The following EPG5 variants were observed in gnomAD, a reference collection of about 807,000 sequenced individuals.
EPG5 encodes the protein ectopic P granules protein 5 homolog.
In EPG5, 159 loss-of-function variants were observed where a neutral mutation model predicts 302.7. The observed-to-expected ratio is 0.53, with a 90% CI of 0.46 to 0.60. EPG5 has a LOEUF of 0.60. EPG5 is among the 20% of genes least tolerant of loss of function. The pLI is 0.00. For missense variants in EPG5, 2,896 were observed against 3,092.4 expected (o/e 0.94, Z 1.51); for synonymous variants, 1,158 against 1,136.8 (o/e 1.02, Z -0.37).
At chr18:45,914,438 T>C (rs2049982378) in intron 20 of EPG5, among the ~76,000 whole-genome samples, 2 of 152,234 alleles carry the variant, frequency 1.3e-5, no homozygotes, top group African/African-American at 4.8e-5. Flanking sequence ...ACATTACTAC[T>C]GATTTAAGAG....
At position 45,919,738 on chromosome 18, in the gene EPG5, T is replaced by A. The variant is rs574484597; in HGVS notation, c.3099-1919A>T. Reference sequence around the variant, plus strand: ...CGTGTTAGCCAGGATGGTCTCGATCTCCTGACCTCGTGATCCGCCCGCCTC... The same window carrying A: ...CGTGTTAGCCAGGATGGTCTCGATCACCTGACCTCGTGATCCGCCCGCCTC... On this transcript the variant is annotated intron_variant, in intron 16 of 43. Coordinates refer to ENST00000282041, the MANE Select transcript of EPG5 (RefSeq NM_020964.3). 1.5e-3 allele frequency among the ~76,000 whole-genome samples: 221 copies of A among 152,246 alleles called. 1 individual carries two copies. Among genetic ancestry groups the A allele is most frequent in the Admixed American group, 4.4e-3 (68 of 15,294 alleles).
chr18:45,934,762 C>G, intron 11 of EPG5, 47 bp downstream of exon 11: 1 of 1,553,318 alleles, frequency 6.4e-7, no homozygotes, highest in Non-Finnish European at 8.7e-7. Context: ...AAGAGAAGCA[C>G]AAAAAGATAG....
chr18:45,859,638 T>C (rs971354817), intron 40 of EPG5, among the ~76,000 whole-genome samples: 3 of 152,230 alleles, frequency 2.0e-5, no homozygotes, highest in Non-Finnish European at 4.4e-5. Flanking sequence ...GAATGAGCCC[T>C]TCATAATGCT....
chr18:45,955,887 A>C (rs1434924209), intron 1 of EPG5, among the ~76,000 whole-genome samples: 2 of 152,264 alleles, frequency 1.3e-5, no homozygotes, highest in Non-Finnish European at 2.9e-5. Flanking sequence ...TCTTCCATAC[A>C]GGAAAATTCC....
chr18:45,957,555 G>C (rs1266837325), intron 1 of EPG5, among the ~76,000 whole-genome samples: 1 of 152,196 alleles, frequency 6.6e-6, no homozygotes, highest in African/African-American at 2.4e-5. Context: ...GGTTACTACG[G>C]CAAGAGAAAT....
At chr18:45,837,765 G>A in the EPG5 span, 7 of 1,521,704 alleles carry the variant, frequency 4.6e-6, no homozygotes, top group African/African-American at 5.7e-5. Context: ...AACCCGCGCC[G>A]CAACGACCTC....
chr18:45,851,849 T>C lies in EPG5; in HGVS notation c.*618A>G, dbSNP rs1366376467. 5 of 152,222 alleles carry C rather than the reference T, an allele frequency of 3.3e-5. No homozygotes were observed. The highest frequency in any genetic ancestry group is 1.9e-4 in the East Asian group (1 of 5,196). The allele number at this position is 152,222 out of a possible 1,614,324, so 9.4% of individuals were successfully genotyped here. A position where few individuals can be genotyped will look rare whatever the true frequency, so the allele number is the denominator to read the frequency against. ...ATGAGGATACACGGCTGGATGGAAA[T>C]TGACTTGTCATCATCTCTACTGCCC... is the stretch of plus-strand genomic sequence containing the variant. On this transcript the variant is annotated 3_prime_UTR_variant, in exon 44 of 44. Transcript: ENST00000282041.
chr18:45,870,041 C>T (rs1234351411), intron 36 of EPG5, among the ~76,000 whole-genome samples: 1 of 152,132 alleles, frequency 6.6e-6, no homozygotes, highest in African/African-American at 2.4e-5. Context: ...ACTGCAAAGA[C>T]TCGCATGCAC....
At chr18:45,867,526 C>G (rs369278344) in intron 37 of EPG5, 37 bp downstream of exon 37, 1 of 1,573,510 alleles carries the variant, frequency 6.4e-7, no homozygotes, top group South Asian at 1.1e-5. Flanking sequence ...ATCTAAGCAG[C>G]CTTGCCGAAT....
At chr18:45,946,634 A>C (rs1568179570) in intron 7 of EPG5, 29 bp downstream of exon 7, 1 of 1,527,964 alleles carries the variant, frequency 6.5e-7, no homozygotes. Context: ...ACAATGATTC[A>C]TCAAAATAAT....
In EPG5 at chr18:45,852,241, A is replaced by G. The variant is rs141458067; in HGVS notation, c.*226T>C. The G allele has an allele frequency of 2.3e-5, 9 of 397,230 alleles. No homozygotes were observed. Among genetic ancestry groups the G allele is most frequent in the African/African-American group, 1.9e-4 (9 of 48,302 alleles). The allele number at this position is 397,230 out of a possible 1,614,324, so 24.6% of individuals were successfully genotyped here. On this transcript the variant is annotated 3_prime_UTR_variant, in exon 44 of 44. Coordinates refer to ENST00000282041, the MANE Select transcript of EPG5 (RefSeq NM_020964.3). ...AAGTTTCTCTTGTGGATAAATATAAAAACTTAAAGAGTCCCCAGAAGGTCT... is the reference window on the plus strand; with the variant it reads ...AAGTTTCTCTTGTGGATAAATATAAGAACTTAAAGAGTCCCCAGAAGGTCT...
At chr18:45,933,990 G>A (rs991400252) in intron 11 of EPG5, among the ~76,000 whole-genome samples, 1 of 151,766 alleles carries the variant, frequency 6.6e-6, no homozygotes, top group Non-Finnish European at 1.5e-5. Context: ...TTATAATTTT[G>A]TTATAAGTAA....
intron 43 of EPG5, among the ~76,000 whole-genome samples, chr18:45,853,551 C>CA (rs1177880367): frequency 2.0e-5 from 3 of 152,214 alleles, no homozygotes; most frequent in African/African-American, 7.2e-5. Context: ...GCACATCCCC[C>CA]ACCATGGAGT....
the EPG5 span, among the ~76,000 whole-genome samples, chr18:45,832,860 TC>T: frequency 6.6e-6 from 1 of 152,166 alleles, no homozygotes; most frequent in Admixed American, 6.5e-5. Flanking sequence ...GCTGAGTCTT[TC>T]CCACCCTCAC....
rs746878988 is a variant in EPG5 at position 45,870,644 on chromosome 18, C to T, written c.6148G>A (p.Ala2050Thr). 66 of 1,613,882 alleles carry T rather than the reference C, an allele frequency of 4.1e-5. No individual in the cohort carries two copies. The Middle Eastern group carries it at 4.9e-4, about 12-fold the overall frequency. Residue 2050 changes from alanine (A) to threonine (T), a missense_variant, in exon 36 of 44, where the codon GCT becomes ACT. Ala to Thr is a moderately conservative substitution (Grantham distance 58). Around this residue, in one of 5 missense-constraint regions of EPG5, gnomAD observed 620 missense variants for 704.2 expected, o/e 0.88. Transcript: ENST00000282041. ...AGTTTCCGGTACGTGCTATGGAAAGCGTACAGAATGAACTCTGGCATTTTG... is the reference window on the plus strand; with the variant it reads ...AGTTTCCGGTACGTGCTATGGAAAGTGTACAGAATGAACTCTGGCATTTTG... ...APKMPEFILY[A>T]FHSTYRKLPW...
chr18:45,802,365 C>T, the EPG5 span, among the ~76,000 whole-genome samples: 1 of 152,004 alleles, frequency 6.6e-6, no homozygotes. Context: ...TAATAAAATA[C>T]AAAAATTAGC....
chr18:45,867,651 C>A lies in EPG5; in HGVS notation c.6323G>T (p.Ser2108Ile), dbSNP rs764011985. The A allele has an allele frequency of 1.3e-5, 21 of 1,613,972 alleles. No homozygotes were observed. Among genetic ancestry groups the A allele is most frequent in the Non-Finnish European group, 1.8e-5 (21 of 1,180,010 alleles). ...CATGCTGCGGGTTTCTGGGTGGGGA[C>A]TGGAATTCCAGGCATCAGAGAGCAC... ...VSVLSDAWNS[S>I]PHPETRSMIV... Residue 2108 changes from serine to isoleucine, a missense_variant, in exon 37 of 44, where the codon AGT becomes ATT. Transcript: ENST00000282041.
At chr18:45,908,592 A>G (rs2049815261) in intron 23 of EPG5, among the ~76,000 whole-genome samples, 2 of 152,220 alleles carry the variant, frequency 1.3e-5, no homozygotes. Flanking sequence ...ATCGCAAATA[A>G]ATATCACAGC....
At chr18:45,915,712 A>T in intron 19 of EPG5, 91 bp from the exon 20 acceptor site, 1 of 953,812 alleles carries the variant, frequency 1.0e-6, no homozygotes, top group Non-Finnish European at 1.6e-6. Context: ...GTCTTACTAC[A>T]ATACAAGATT....
Sources: gnomAD v4.1 joint callset for allele counts (sites outside exome capture counted in the v4.1 genomes callset) on GRCh38, gnomAD v4.1.1 for gene constraint, gnomAD v4.1.1 regional missense constraint, MANE v1.5 for transcripts, NCBI Gene and HGNC (gene_info 2026-07-23, HGNC 2026-07-21) for gene names.